The following SIPA1L3 variants were observed in gnomAD, a reference collection of about 807,000 sequenced individuals.
SIPA1L3 encodes the protein signal-induced proliferation-associated 1-like protein 3.
In SIPA1L3, 59 loss-of-function variants were observed where a neutral mutation model predicts 150.1. The observed-to-expected ratio is 0.39, with a 90% CI of 0.32 to 0.49. The LOEUF is 0.49. Ranked by LOEUF, SIPA1L3 falls within the 20% of genes least tolerant of loss-of-function variation. The pLI is 0.86. For missense variants in SIPA1L3, 2,211 were observed against 2,489.5 expected (o/e 0.89, Z 2.38); for synonymous variants, 1,070 against 1,077.6 (o/e 0.99, Z 0.14).
At chr19:37,959,280 T>C (rs912536002) in intron 1 of SIPA1L3, among the ~76,000 whole-genome samples, 6 of 152,198 alleles carry the variant, frequency 3.9e-5, no homozygotes, top group African/African-American at 1.4e-4. Flanking sequence ...CCGATGTCCA[T>C]CAACTGATAA....
chr19:37,955,597 A>G (rs376832384), intron 1 of SIPA1L3, among the ~76,000 whole-genome samples: 5 of 152,168 alleles, frequency 3.3e-5, no homozygotes, highest in African/African-American at 1.2e-4. Context: ...GCGTTTCCTG[A>G]ACATTTCAAA....
chr19:38,065,909 A>C, intron 2 of SIPA1L3, among the ~76,000 whole-genome samples: 1 of 117,382 alleles, frequency 8.5e-6, no homozygotes, highest in African/African-American at 3.5e-5. Context: ...TCTCTTATTT[A>C]TTTATCTATT....
chr19:38,076,918 G>A (rs1208722340), intron 2 of SIPA1L3, among the ~76,000 whole-genome samples: 2 of 152,134 alleles, frequency 1.3e-5, no homozygotes, highest in South Asian at 4.1e-4. Flanking sequence ...TTCTATGTGG[G>A]TACAGGATTG....
chr19:38,083,108 T>G lies in SIPA1L3; in HGVS notation c.1534+9T>G. On this transcript the variant is annotated intron_variant, in intron 3 of 21. Transcript: ENST00000222345. ...TTACTTCGTGGGCAAAGGTGACGGATGGCGTGTGGGTGGGAAGGTTGGGTG... is the reference window on the plus strand; with the variant it reads ...TTACTTCGTGGGCAAAGGTGACGGAGGGCGTGTGGGTGGGAAGGTTGGGTG... The G allele has an allele frequency of 6.2e-7, 1 of 1,600,870 alleles. No homozygotes were observed. Among genetic ancestry groups the G allele is most frequent in the Non-Finnish European group, 8.5e-7 (1 of 1,175,282 alleles).
At chr19:38,116,545 A>C (rs1276903961) in intron 8 of SIPA1L3, among the ~76,000 whole-genome samples, 4 of 143,666 alleles carry the variant, frequency 2.8e-5, no homozygotes, top group African/African-American at 1.1e-4. Flanking sequence ...AAAAAAAGAA[A>C]GAAAGAAAAG....
intron 1 of SIPA1L3, among the ~76,000 whole-genome samples, chr19:37,955,161 G>A (rs1353949671): frequency 6.6e-6 from 1 of 151,636 alleles, no homozygotes; most frequent in Non-Finnish European, 1.5e-5. Context: ...GCAGGCCGAG[G>A]TGGGTAGATC....
rs762431944 is a variant in SIPA1L3, at chr19:38,193,594, C to A, written c.4654C>A (p.Arg1552Ser). Residue 1552 changes from arginine to serine, a missense_variant, in exon 18 of 22, where the codon CGC becomes AGC. Physicochemically the swap from Arg to Ser is moderately radical, Grantham distance 110 (BLOSUM62 -1). Around this residue, in one of 5 missense-constraint regions of SIPA1L3, gnomAD observed 806 missense variants for 870.1 expected, o/e 0.93. Transcript: ENST00000222345. ...GTCGGACGAGAGCCTGTGCAGCGGG[C>A]GCCGGGAGCCCAGCTTCGCCAGCCC... ...TLSDESLCSG[R>S]REPSFASPAG... is the part of the protein sequence containing the mutation. 3 of 1,559,276 alleles carry A rather than the reference C, an allele frequency of 1.9e-6. No homozygotes were observed. The East Asian group carries it at 7.1e-5, about 37-fold the overall frequency.
At chr19:38,191,111 C>T (rs181354999) in intron 16 of SIPA1L3, among the ~76,000 whole-genome samples, 186 of 152,272 alleles carry the variant, frequency 1.2e-3, no homozygotes, top group Non-Finnish European at 2.4e-3. Flanking sequence ...TGGTGGGGAT[C>T]AAATGAATTT....
intron 1 of SIPA1L3, among the ~76,000 whole-genome samples, chr19:37,954,741 C>G (rs775214454): frequency 6.6e-6 from 1 of 152,044 alleles, no homozygotes; most frequent in Non-Finnish European, 1.5e-5. Flanking sequence ...TCACCACCAC[C>G]GCCTGTATGT....
intron 2 of SIPA1L3, among the ~76,000 whole-genome samples, chr19:38,041,755 T>TTTATAGAGA (rs1490592556): frequency 6.6e-6 from 1 of 151,842 alleles, no homozygotes; most frequent in Non-Finnish European, 1.5e-5. Flanking sequence ...TTTTAAATTT[T>TTTATAGAGA]TTATAGAGAC....
chr19:37,993,629 G>A (rs1279844096), intron 1 of SIPA1L3, among the ~76,000 whole-genome samples: 1 of 152,186 alleles, frequency 6.6e-6, no homozygotes, highest in African/African-American at 2.4e-5. Flanking sequence ...TCCCTAACGG[G>A]GGAATCTGTG....
At chr19:37,975,020 G>C (rs527965671) in intron 1 of SIPA1L3, among the ~76,000 whole-genome samples, 11 of 151,836 alleles carry the variant, frequency 7.2e-5, no homozygotes, top group Admixed American at 2.0e-4. Flanking sequence ...TACAAAAAAT[G>C]CAAAAAAAAG....
chr19:38,153,390 C>G (rs1184772524), intron 13 of SIPA1L3, among the ~76,000 whole-genome samples: 1 of 152,214 alleles, frequency 6.6e-6, no homozygotes, highest in Non-Finnish European at 1.5e-5. Context: ...GCCCACATGG[C>G]CAGGCGGGGT....
At chr19:38,205,904 G>A (rs991954223) in intron 21 of SIPA1L3, among the ~76,000 whole-genome samples, 193 bp from the exon 22 acceptor site, 15 of 152,320 alleles carry the variant, frequency 9.8e-5, no homozygotes, top group Non-Finnish European at 2.1e-4. Flanking sequence ...GTAGAGTTGC[G>A]GGAACCAAGT....
intron 1 of SIPA1L3, among the ~76,000 whole-genome samples, chr19:37,946,135 A>C (rs1017353896): frequency 5.9e-5 from 9 of 151,732 alleles, no homozygotes; most frequent in Non-Finnish European, 1.3e-4. Context: ...AACCTGGGGG[A>C]CAACAGCGAG....
intron 16 of SIPA1L3, among the ~76,000 whole-genome samples, chr19:38,186,603 C>A (rs939574394): frequency 2.6e-5 from 4 of 151,718 alleles, no homozygotes; most frequent in East Asian, 2.0e-4. Flanking sequence ...ATCCGCCCCC[C>A]CTTGGCCTCC....
At position 38,162,204 on chromosome 19, in the gene SIPA1L3, C is replaced by T. The variant is rs370004197; in HGVS notation, c.3662-49C>T. 6.3e-5 allele frequency: 92 copies of T among 1,464,230 alleles called. No homozygotes were observed. In the African/African-American group the frequency reaches 1.1e-3, roughly 17 times the overall value. 90.7% of individuals were successfully genotyped at this position (1,464,230 alleles called of 1,614,324 possible). A position where few individuals can be genotyped will look rare whatever the true frequency, so the allele number is the denominator to read the frequency against. On this transcript the variant is annotated intron_variant, in intron 13 of 21. Coordinates refer to ENST00000222345, the MANE Select transcript of SIPA1L3 (RefSeq NM_015073.3). ...GCAAAGGGTCCAGATTCTTCAGGCC[C>T]TGGCCTGAGTCACTCCTAACCACTG...
At chr19:38,020,272 C>G (rs1001106946) in intron 1 of SIPA1L3, among the ~76,000 whole-genome samples, 1 of 152,154 alleles carries the variant, frequency 6.6e-6, no homozygotes, top group African/African-American at 2.4e-5. Context: ...GAGGGTAAGT[C>G]ACCGTAGACT....
At chr19:37,915,485 G>T (rs189705081) in intron 1 of SIPA1L3, among the ~76,000 whole-genome samples, 1 of 151,984 alleles carries the variant, frequency 6.6e-6, no homozygotes, top group Non-Finnish European at 1.5e-5. Context: ...GGGTTCAAGC[G>T]ATTCTCCTGC....
Sources: gnomAD v4.1 joint callset for allele counts (sites outside exome capture counted in the v4.1 genomes callset) on GRCh38, gnomAD v4.1.1 for gene constraint, gnomAD v4.1.1 regional missense constraint, MANE v1.5 for transcripts, NCBI Gene and HGNC (gene_info 2026-07-23, HGNC 2026-07-21) for gene names.